Variants in IL16 observed in about 807,000 individuals in gnomAD.
The protein encoded by IL16 is interleukin 16.
IL16 carries 67 observed loss-of-function variants against 110.1 expected under a neutral mutation model. The observed-to-expected ratio is 0.61, with a 90% CI of 0.50 to 0.75. The LOEUF (loss-of-function observed/expected upper bound fraction) is 0.75. IL16 is among the 30% of genes least tolerant of loss of function. The pLI is 0.00. For synonymous variants in IL16, 689 were observed against 662.9 expected, an observed-to-expected ratio of 1.04 and a Z score of -0.61; for missense variants, 1,545 against 1,655.0, an observed-to-expected ratio of 0.93 and a Z score of 1.15.
chr15:81,248,871 C>G (rs1393408532), intron 2 of IL16, among the ~76,000 whole-genome samples: 1 of 151,834 alleles, frequency 6.6e-6, no homozygotes, highest in Non-Finnish European at 1.5e-5. Context: ...CAGGCGCCCA[C>G]CACCACACCT....
At chr15:81,235,519 AG>A (rs1897150754) in intron 2 of IL16, among the ~76,000 whole-genome samples, 1 of 152,164 alleles carries the variant, frequency 6.6e-6, no homozygotes. Flanking sequence ...ACTTCCCACT[AG>A]GCCCCCCCTC....
chr15:81,293,094 A>C, intron 12 of IL16, 57 bp downstream of exon 12: 2 of 1,532,232 alleles, frequency 1.3e-6, no homozygotes, highest in South Asian at 1.2e-5. Flanking sequence ...AATCTTGAGC[A>C]TGGGCAAATT....
At chr15:81,212,330 G>A (rs1181545984) in intron 1 of IL16, among the ~76,000 whole-genome samples, 3 of 151,894 alleles carry the variant, frequency 2.0e-5, no homozygotes, top group Admixed American at 6.6e-5. Flanking sequence ...GTTTGTCTGT[G>A]GGATCAGTTA....
In IL16 at chr15:81,292,929, G is replaced by A; in HGVS notation, c.1794G>A (p.Lys598=). ...LVRKPMSSKP[K]PPPRKYFKSD... ...GAAAGCCTATGTCCTCCAAGCCCAA[G>A]CCTCCACCCAGAAAATACTTTAAAA... The change falls in exon 12 of 19, where the codon AAG becomes AAA. Residue 598 remains lysine (K), a synonymous_variant. Coordinates refer to ENST00000683961, the MANE Select transcript of IL16 (RefSeq NM_172217.5). 1 of 1,614,194 alleles carries A rather than the reference G, an allele frequency of 6.2e-7. No individual in the cohort carries two copies. Among genetic ancestry groups the A allele is most frequent in the Non-Finnish European group, 8.5e-7 (1 of 1,180,038 alleles).
chr15:81,306,343 G>A (rs1022240391), intron 17 of IL16, 77 bp from the exon 18 acceptor site: 34 of 1,586,374 alleles, frequency 2.1e-5, no homozygotes, highest in African/African-American at 5.4e-5. Context: ...GTATCACCCC[G>A]GGCTCACTTG....
intron 1 of IL16, among the ~76,000 whole-genome samples, chr15:81,197,394 G>A (rs1895636112): frequency 6.6e-6 from 1 of 152,172 alleles, no homozygotes; most frequent in South Asian, 2.1e-4. Flanking sequence ...GCGGGCAGAG[G>A]GATATCGCTT....
At chr15:81,229,058 G>A (rs1445487449) in intron 2 of IL16, among the ~76,000 whole-genome samples, 1 of 152,134 alleles carries the variant, frequency 6.6e-6, no homozygotes, top group Non-Finnish European at 1.5e-5. Flanking sequence ...TTCTATTTTA[G>A]CATGGGGGCA....
At chr15:81,261,840 A>G (rs78526583) in intron 3 of IL16, among the ~76,000 whole-genome samples, 8,306 of 152,212 alleles carry the variant, frequency 0.055, 826 homozygotes, top group African/African-American at 0.19. Context: ...AGGCTGAGGC[A>G]GGAGGATCGC....
intron 10 of IL16, among the ~76,000 whole-genome samples, chr15:81,290,196 T>C (rs1185346024): frequency 1.3e-5 from 2 of 152,110 alleles, no homozygotes; most frequent in African/African-American, 4.8e-5. Flanking sequence ...CAGCAAGTAG[T>C]GGGGAGAAGG....
intron 16 of IL16, 104 bp from the exon 17 acceptor site, chr15:81,305,804 C>T (rs1900520214): frequency 7.2e-7 from 1 of 1,390,216 alleles, no homozygotes; most frequent in Non-Finnish European, 9.8e-7. Context: ...TCTTTGTTGG[C>T]CTAAAAATCC....
At chr15:81,220,652 G>A (rs1159760468) in intron 1 of IL16, among the ~76,000 whole-genome samples, 1 of 152,124 alleles carries the variant, frequency 6.6e-6, no homozygotes, top group Non-Finnish European at 1.5e-5. Context: ...CTCTCTCCAT[G>A]TGGTTATTTA....
rs1900705706 is a variant in IL16 at position 81,308,807 on chromosome 15, T to A, written c.*9T>A. 6.2e-7 allele frequency: 1 copy of A among 1,606,120 alleles called. No homozygotes were observed. The highest frequency in any genetic ancestry group is 8.5e-7 in the Non-Finnish European group (1 of 1,177,170). ...CTGCTGGAGACTCCTAGGCAGGACA[T>A]GCTGAAGCCAAAGCCAATAACACAC... On this transcript the variant is annotated 3_prime_UTR_variant, in exon 19 of 19. Coordinates refer to ENST00000683961, the MANE Select transcript of IL16 (RefSeq NM_172217.5).
chr15:81,229,260 A>G (rs1026675518), intron 2 of IL16, among the ~76,000 whole-genome samples: 8 of 152,116 alleles, frequency 5.3e-5, no homozygotes, highest in African/African-American at 1.9e-4. Flanking sequence ...AATCATGGGT[A>G]CACCGAGGAG....
In IL16 at chr15:81,300,103, G is replaced by A. The variant is rs752346764; in HGVS notation, c.2777G>A (p.Gly926Glu). The A allele has an allele frequency of 1.3e-6, 2 of 1,585,388 alleles. No homozygotes were observed. The highest frequency in any genetic ancestry group is 1.7e-6 in the Non-Finnish European group (2 of 1,166,316). The change falls in exon 14 of 19, where the codon GGG (glycine) becomes GAG (glutamate). Residue 926 changes from glycine to glutamate, a missense_variant. Gly to Glu is a moderately conservative substitution (Grantham distance 98). Transcript: ENST00000683961. ...DPGVSESPPP[G>E]RQPNQKTLPP... is the part of the protein sequence containing the mutation. ...GGTGTGTCTGAGTCCCCTCCCCCAG[G>A]GCGGCAGCCCAATCAGAAAACTCTC... is the stretch of plus-strand genomic sequence containing the variant.
rs1899034870 is a variant in IL16, at chr15:81,278,854, T to C, written c.828T>C (p.Ala276=). 1.2e-6 allele frequency: 2 copies of C among 1,613,404 alleles called. No individual in the cohort carries two copies. The highest frequency in any genetic ancestry group is 1.3e-5 in the African/African-American group (1 of 74,924). The change falls in exon 7 of 19, where the codon GCT becomes GCC. Residue 276 remains alanine, a synonymous_variant. Transcript: ENST00000683961. The stretch of plus-strand genomic sequence containing the variant: ...TGGAGCTCAATGGTGAATCAATGGC[T>C]GGACTAACACATCAGGATGCTTTGC... ...EILELNGESM[A]GLTHQDALQK... is the part of the protein sequence containing the mutation.
In IL16 at chr15:81,273,446, T is replaced by C. The variant is rs1178378137; in HGVS notation, c.790+242T>C. Among the ~76,000 whole-genome samples, 3 of 152,172 alleles carry C rather than the reference T, an allele frequency of 2.0e-5. No homozygotes were observed. In the East Asian group the frequency reaches 5.8e-4, roughly 29 times the overall value. On this transcript the variant is annotated intron_variant, in intron 6 of 18. Coordinates refer to ENST00000683961, the MANE Select transcript of IL16 (RefSeq NM_172217.5). ...GCCCCTGGCACCGTTACCCCTTAGC[T>C]GGTCTTGGGGCCAGCCTGGGTGGGA...
At chr15:81,206,184 A>G (rs973562268) in intron 1 of IL16, among the ~76,000 whole-genome samples, 4 of 152,216 alleles carry the variant, frequency 2.6e-5, no homozygotes, top group Non-Finnish European at 5.9e-5. Flanking sequence ...GGCAATGAAG[A>G]TAAGTTCTGA....
intron 8 of IL16, 80 bp from the exon 9 acceptor site, chr15:81,282,559 T>G: frequency 1.0e-6 from 1 of 999,246 alleles, no homozygotes; most frequent in South Asian, 1.3e-5. Flanking sequence ...GGGGGCCATG[T>G]CTGTGGCACC....
intron 1 of IL16, among the ~76,000 whole-genome samples, chr15:81,222,765 C>CACACAT (rs1474902537): frequency 6.6e-6 from 1 of 151,926 alleles, no homozygotes; most frequent in African/African-American, 2.4e-5. Flanking sequence ...CACACACACA[C>CACACAT]ACACACATAC....
Sources: gnomAD v4.1 joint callset for allele counts (sites outside exome capture counted in the v4.1 genomes callset) on GRCh38, gnomAD v4.1.1 for gene constraint, MANE v1.5 for transcripts, NCBI Gene and HGNC (gene_info 2026-07-23, HGNC 2026-07-21) for gene names.